The following DLG1 variants were observed in gnomAD, a reference collection of about 807,000 sequenced individuals.
DLG1 encodes the protein disks large homolog 1.
Under a neutral mutation model 123.4 loss-of-function variants are expected in DLG1, and 42 were observed. The observed-to-expected ratio is 0.34, with a 90% confidence interval of 0.27 to 0.44. The LOEUF (loss-of-function observed/expected upper bound fraction) is 0.44, where lower values mean the gene tolerates loss of function less well. Among genes scored for constraint, DLG1 ranks in the 20% least tolerant of loss-of-function variants. The pLI, the probability that DLG1 is intolerant of heterozygous loss-of-function variation, is 1.00. For missense variants in DLG1, 942 were observed against 1,082.6 expected, an observed-to-expected ratio of 0.87 and a Z score of 1.82; for synonymous variants, 317 against 356.2, an observed-to-expected ratio of 0.89 and a Z score of 1.24.
At chr3:197,178,569 A>C (rs1808376446) in intron 5 of DLG1, among the ~76,000 whole-genome samples, 1 of 152,194 alleles carries the variant, frequency 6.6e-6, no homozygotes, top group African/African-American at 2.4e-5. Context: ...ATTTAAGGGC[A>C]TAGGACTAGA....
intron 2 of DLG1, chr3:197,296,689 C>T: frequency 2.2e-6 from 1 of 455,870 alleles, no homozygotes; most frequent in Non-Finnish European, 3.9e-6. Context: ...ACATATATCA[C>T]ATTAGAAAAC....
At chr3:197,157,722 C>A (rs1471200445) in intron 5 of DLG1, among the ~76,000 whole-genome samples, 1 of 152,004 alleles carries the variant, frequency 6.6e-6, no homozygotes, top group Non-Finnish European at 1.5e-5. Context: ...TTCACGGTAC[C>A]CTGAAAGCCA....
rs1227658013 is a variant in DLG1 at position 197,211,250 on chromosome 3, C to T, written c.319-16661G>A. ...GGTACCATTTCTACCGAAACTATTC[C>T]AAAAAAATTAAAGAGGCTGAACTCC... On this transcript the variant is annotated intron_variant, in intron 4 of 24. Coordinates refer to ENST00000667157, the MANE Select transcript of DLG1 (RefSeq NM_001366207.1). 1.4e-5 allele frequency among the ~76,000 whole-genome samples: 2 copies of T among 145,618 alleles called. 1 individual carries two copies. The highest frequency in any genetic ancestry group is 1.4e-4 in the Admixed American group (2 of 14,422).
Position 197,194,583 on chromosome 3 carries a change from T to A in DLG1, c.325A>T (p.Arg109Trp). The A allele has an allele frequency of 6.3e-7, 1 of 1,578,142 alleles. No individual in the cohort carries two copies. The highest frequency in any genetic ancestry group is 8.6e-7 in the Non-Finnish European group (1 of 1,168,270). Residue 109 changes from arginine to tryptophan, a missense_variant, in exon 5 of 25, where the codon AGG becomes TGG. Arg to Trp is a moderately radical substitution (Grantham distance 101). Transcript: ENST00000667157. Reference sequence around the variant, plus strand: ...GGAGGTGTATCTTCATCCTGATACCTGTATTTCTGTAAAGAAAATAAACAT... The same window carrying A: ...GGAGGTGTATCTTCATCCTGATACCAGTATTTCTGTAAAGAAAATAAACAT... ...SSLSPSVEKY[R>W]YQDEDTPPQE... is the part of the protein sequence containing the mutation.
intron 13 of DLG1, among the ~76,000 whole-genome samples, chr3:197,109,991 A>T (rs1768917167): frequency 1.3e-5 from 2 of 151,002 alleles, no homozygotes; most frequent in East Asian, 3.9e-4. Flanking sequence ...AAATTAATTT[A>T]ACTTGGAGTT....
chr3:197,220,663 CT>C (rs199698232), intron 4 of DLG1, among the ~76,000 whole-genome samples: 1 of 152,116 alleles, frequency 6.6e-6, no homozygotes, highest in African/African-American at 2.4e-5. Context: ...TGTACCCCAC[CT>C]ATCCAGCAGA....
At chr3:197,197,669 G>A (rs2150294060) in intron 4 of DLG1, among the ~76,000 whole-genome samples, 1 of 152,312 alleles carries the variant, frequency 6.6e-6, no homozygotes, top group Middle Eastern at 3.4e-3. Flanking sequence ...ACACGGAATT[G>A]CGAGGAACAC....
chr3:197,224,509 G>A (rs2150538196), intron 4 of DLG1, among the ~76,000 whole-genome samples: 1 of 152,278 alleles, frequency 6.6e-6, no homozygotes, highest in South Asian at 2.1e-4. Flanking sequence ...GGAAAAAAAT[G>A]TAGCCTTAGC....
At chr3:197,092,773 G>T (rs532587394) in intron 14 of DLG1, among the ~76,000 whole-genome samples, 3 of 152,198 alleles carry the variant, frequency 2.0e-5, no homozygotes, top group Non-Finnish European at 4.4e-5. Flanking sequence ...ACAGCTCTGG[G>T]ATCACAAGTG....
chr3:197,172,986 A>G (rs866677839), intron 5 of DLG1, among the ~76,000 whole-genome samples: 4 of 152,134 alleles, frequency 2.6e-5, no homozygotes, highest in South Asian at 2.1e-4. Context: ...AGGTTCCACT[A>G]ATTTCAGCTT....
intron 15 of DLG1, among the ~76,000 whole-genome samples, chr3:197,090,450 T>C (rs1757145727): frequency 6.6e-6 from 1 of 152,154 alleles, no homozygotes; most frequent in Non-Finnish European, 1.5e-5. Context: ...GTAGAAATTT[T>C]CCAAATATGC....
intron 4 of DLG1, among the ~76,000 whole-genome samples, chr3:197,251,288 AAAAG>A (rs1754339695): frequency 6.6e-6 from 1 of 152,276 alleles, no homozygotes; most frequent in East Asian, 1.9e-4. Context: ...TCTTCACAGA[AAAAG>A]AAATAGAAAA....
chr3:197,142,956 T>C (rs1019934660), intron 6 of DLG1, among the ~76,000 whole-genome samples, 188 bp from the exon 7 acceptor site: 9 of 152,188 alleles, frequency 5.9e-5, no homozygotes, highest in African/African-American at 1.7e-4. Context: ...GATTAATGAG[T>C]TGACAACATT....
chr3:197,109,362 C>T (rs922107887), intron 13 of DLG1, among the ~76,000 whole-genome samples: 1 of 152,260 alleles, frequency 6.6e-6, no homozygotes, highest in East Asian at 1.9e-4. Flanking sequence ...TGAGATGCTG[C>T]CTCTAAAAAT....
intron 4 of DLG1, among the ~76,000 whole-genome samples, chr3:197,214,333 G>C (rs1732866012): frequency 6.6e-6 from 1 of 152,146 alleles, no homozygotes; most frequent in Non-Finnish European, 1.5e-5. Flanking sequence ...CGGTGGCTTT[G>C]GGAGGCCGAG....
intron 4 of DLG1, among the ~76,000 whole-genome samples, chr3:197,244,111 C>G (rs1443265245): frequency 6.6e-6 from 1 of 152,160 alleles, no homozygotes; most frequent in Non-Finnish European, 1.5e-5. Context: ...CTCACTGCAT[C>G]CCTTTAGGTC....
At chr3:197,058,102 C>A (rs1362604356) in intron 23 of DLG1, among the ~76,000 whole-genome samples, 1 of 151,980 alleles carries the variant, frequency 6.6e-6, no homozygotes, top group Admixed American at 6.6e-5. Context: ...TCTCAGCATC[C>A]CAAGTAGCTG....
At chr3:197,111,396 G>C (rs533156715) in intron 13 of DLG1, among the ~76,000 whole-genome samples, 5 of 152,128 alleles carry the variant, frequency 3.3e-5, no homozygotes, top group East Asian at 1.9e-4. Context: ...TGAACTCTAG[G>C]CTAAACGAAA....
intron 3 of DLG1, among the ~76,000 whole-genome samples, chr3:197,292,329 T>C (rs746320639): frequency 2.0e-5 from 3 of 152,152 alleles, no homozygotes; most frequent in African/African-American, 4.8e-5. Context: ...TGAATGAACC[T>C]TGCGGACTCT....
Sources: allele counts gnomAD v4.1 joint callset (sites outside exome capture counted in the v4.1 genomes callset), GRCh38; gene constraint gnomAD v4.1.1; transcripts MANE v1.5; gene names NCBI Gene and HGNC (gene_info 2026-07-23, HGNC 2026-07-21).